The following EPHA3 variants were observed in gnomAD, a reference collection of about 807,000 sequenced individuals.
EPHA3 encodes EPH receptor A3.
EPHA3 carries 42 observed loss-of-function variants against 107.1 expected under a neutral mutation model. That is an observed-to-expected ratio of 0.39 (90% CI 0.31 to 0.51). The LOEUF is 0.51. Among genes scored for constraint, EPHA3 ranks in the 20% least tolerant of loss-of-function variants. The pLI, the probability that EPHA3 is intolerant of heterozygous loss-of-function variation, is 0.78. For missense variants in EPHA3, 1,183 were observed against 1,211.2 expected, an observed-to-expected ratio of 0.98 and a Z score of 0.35; for synonymous variants, 461 against 424.8, an observed-to-expected ratio of 1.09 and a Z score of -1.05.
chr3:89,453,980 CT>C (rs931578013), intron 15 of EPHA3, among the ~76,000 whole-genome samples: 39 of 152,146 alleles, frequency 2.6e-4, no homozygotes, highest in Non-Finnish European at 3.2e-4. Flanking sequence ...TATCCAGGCT[CT>C]TTTTTTCTGT....
intron 2 of EPHA3, among the ~76,000 whole-genome samples, chr3:89,142,988 T>C (rs1015923483): frequency 6.6e-6 from 1 of 151,338 alleles, no homozygotes; most frequent in African/African-American, 2.4e-5. Flanking sequence ...TTTAACCTTT[T>C]AGCTAATTAT....
intron 5 of EPHA3, among the ~76,000 whole-genome samples, chr3:89,392,078 T>C (rs1436698194): frequency 1.3e-5 from 2 of 152,160 alleles, no homozygotes; most frequent in Admixed American, 1.3e-4. Flanking sequence ...TATTCTGTCA[T>C]CAACTTCTTT....
At chr3:89,172,072 G>A (rs1449858648) in intron 2 of EPHA3, among the ~76,000 whole-genome samples, 1 of 151,012 alleles carries the variant, frequency 6.6e-6, no homozygotes, top group Non-Finnish European at 1.5e-5. Flanking sequence ...TACGTCTGAA[G>A]CCATCAATTC....
intron 3 of EPHA3, among the ~76,000 whole-genome samples, chr3:89,279,506 G>T (rs1705890651): frequency 6.6e-6 from 1 of 152,024 alleles, no homozygotes; most frequent in African/African-American, 2.4e-5. Flanking sequence ...TCTAAGAAAT[G>T]TTAAAAAATA....
intron 2 of EPHA3, 138 bp downstream of exon 2, chr3:89,127,411 G>T (rs1704117575): frequency 1.7e-6 from 1 of 577,442 alleles, no homozygotes; most frequent in Non-Finnish European, 3.0e-6. Flanking sequence ...TCAATATATG[G>T]AGTACCACAG....
chr3:89,215,306 A>G (rs1704198280), intron 3 of EPHA3, among the ~76,000 whole-genome samples: 1 of 151,934 alleles, frequency 6.6e-6, no homozygotes, highest in Non-Finnish European at 1.5e-5. Flanking sequence ...TGAGTGCACT[A>G]TCTAAAAAGT....
At position 89,413,183 on chromosome 3, in the gene EPHA3, A is replaced by G; in HGVS notation, c.1805A>G (p.Tyr602Cys). 1.2e-6 allele frequency: 2 copies of G among 1,611,854 alleles called. No homozygotes were observed. Among genetic ancestry groups the G allele is most frequent in the Non-Finnish European group, 1.7e-6 (2 of 1,178,450 alleles). The change falls in exon 10 of 17, where the codon TAT becomes TGT. Residue 602 changes from tyrosine to cysteine, a missense_variant. Tyr to Cys is a radical substitution (Grantham distance 194). Coordinates refer to ENST00000336596, the MANE Select transcript of EPHA3 (RefSeq NM_005233.6). ...AGGACTTATGTTGACCCACATACAT[A>G]TGAAGACCCTACCCAAGCTGTTCAT... ...GLRTYVDPHT[Y>C]EDPTQAVHEF...
chr3:89,140,138 C>T (rs899639786), intron 2 of EPHA3, among the ~76,000 whole-genome samples: 6 of 151,810 alleles, frequency 4.0e-5, no homozygotes, highest in Non-Finnish European at 8.8e-5. Context: ...ACTAAAGATT[C>T]TTAACTCATT....
At position 89,300,730 on chromosome 3, in the gene EPHA3, T is replaced by C. The variant is rs1706465067; in HGVS notation, c.815-40186T>C. Among the ~76,000 whole-genome samples, 3 of 152,080 alleles carry C rather than the reference T, an allele frequency of 2.0e-5. No individual in the cohort carries two copies. In the South Asian group the frequency reaches 6.2e-4, roughly 32 times the overall value. On this transcript the variant is annotated intron_variant, in intron 3 of 16. Transcript: ENST00000336596. ...TGTCATACGGCTCTGTACTCCAAGA[T>C]ATACTGAGTCACTATAGTGTCTGCC...
intron 3 of EPHA3, among the ~76,000 whole-genome samples, chr3:89,340,628 C>G (rs1707497476): frequency 6.6e-6 from 1 of 152,152 alleles, no homozygotes; most frequent in Non-Finnish European, 1.5e-5. Flanking sequence ...CACAAATAGT[C>G]CAATGCCAAG....
At chr3:89,356,691 A>G (rs908439256) in intron 5 of EPHA3, among the ~76,000 whole-genome samples, 1 of 151,208 alleles carries the variant, frequency 6.6e-6, no homozygotes, top group Non-Finnish European at 1.5e-5. Flanking sequence ...TAATGTATGT[A>G]TATCCATTGA....
chr3:89,183,658 T>C (rs1250665353), intron 2 of EPHA3, among the ~76,000 whole-genome samples: 1 of 152,000 alleles, frequency 6.6e-6, no homozygotes, highest in Admixed American at 6.6e-5. Context: ...AACAGATGCA[T>C]TCTAAGCCTT....
intron 3 of EPHA3, among the ~76,000 whole-genome samples, chr3:89,217,421 A>G (rs1239697368): frequency 6.6e-6 from 1 of 151,918 alleles, no homozygotes; most frequent in African/African-American, 2.4e-5. Context: ...AACAAAAACA[A>G]AAAAAAACTC....
At chr3:89,360,211 T>C (rs1475768591) in intron 5 of EPHA3, among the ~76,000 whole-genome samples, 1 of 150,922 alleles carries the variant, frequency 6.6e-6, no homozygotes, top group Non-Finnish European at 1.5e-5. Flanking sequence ...ATCAAGCCTC[T>C]CTTTTTTTTG....
chr3:89,208,423 GAAGAAAGAAAGA>G lies in EPHA3; in HGVS notation c.154-1388_154-1377del, dbSNP rs745313705. ...AAAAGGAAGGAAGGAAGGAAGGAAGGAAGAAAGAAAGAAAGAAAGAAAGAAAGAAAGAAAGAA... is the reference window on the plus strand; with the variant it reads ...AAAAGGAAGGAAGGAAGGAAGGAAGGAAGAAAGAAAGAAAGAAAGAAAGAA... On this transcript the variant is annotated intron_variant, in intron 2 of 16. Coordinates refer to ENST00000336596, the MANE Select transcript of EPHA3 (RefSeq NM_005233.6). Among the ~76,000 whole-genome samples the G allele has an allele frequency of 8.3e-3, 310 of 37,518 alleles. 10 individuals carry two copies. In the East Asian group the frequency reaches 0.088, roughly 11 times the overall value. The allele number at this position is 37,518 out of a possible 152,430, so 24.6% of individuals were successfully genotyped here.
At chr3:89,247,305 A>G (rs1166738926) in intron 3 of EPHA3, among the ~76,000 whole-genome samples, 2 of 152,216 alleles carry the variant, frequency 1.3e-5, no homozygotes, top group Admixed American at 1.3e-4. Context: ...GGCCATACTT[A>G]AATAATTAAT....
chr3:89,422,349 A>ACATG (rs1195458501), intron 11 of EPHA3, among the ~76,000 whole-genome samples: 3 of 151,248 alleles, frequency 2.0e-5, no homozygotes, highest in African/African-American at 7.3e-5. Context: ...ATACATGCAC[A>ACATG]CATGCACACA....
At chr3:89,304,806 C>CAACAT (rs1486523944) in intron 3 of EPHA3, among the ~76,000 whole-genome samples, 1 of 152,138 alleles carries the variant, frequency 6.6e-6, no homozygotes, top group Non-Finnish European at 1.5e-5. Flanking sequence ...CTGCATACTA[C>CAACAT]AACATAAACT....
chr3:89,457,056 C>A (rs1177765816), intron 15 of EPHA3, among the ~76,000 whole-genome samples: 1 of 152,024 alleles, frequency 6.6e-6, no homozygotes, highest in Non-Finnish European at 1.5e-5. Context: ...GGTGAGTTTA[C>A]TTTTATATTT....
Sources: gnomAD v4.1 joint callset for allele counts (sites outside exome capture counted in the v4.1 genomes callset) on GRCh38, gnomAD v4.1.1 for gene constraint, MANE v1.5 for transcripts, NCBI Gene and HGNC (gene_info 2026-07-23, HGNC 2026-07-21) for gene names.